MKLN1: variants seen among roughly 807,000 people sequenced by gnomAD.
MKLN1 encodes the protein muskelin 1.
MKLN1 carries 18 observed loss-of-function variants against 99.0 expected under a neutral mutation model. The observed-to-expected ratio is 0.18, with a 90% CI of 0.13 to 0.27. The LOEUF is 0.27. Ranked by LOEUF, MKLN1 falls within the 10% of genes least tolerant of loss-of-function variation. The pLI is 1.00. For synonymous variants in MKLN1, 288 were observed against 293.2 expected (o/e 0.98, Z 0.18); for missense variants, 621 against 875.9 (o/e 0.71, Z 3.67).
chr7:131,428,065 A>G (rs768417074), intron 8 of MKLN1, among the ~76,000 whole-genome samples: 5 of 151,012 alleles, frequency 3.3e-5, no homozygotes, highest in Non-Finnish European at 7.4e-5. Flanking sequence ...CAGCTACTCG[A>G]GAGGCTGGGG....
chr7:131,395,743 C>T (rs1329079216), intron 4 of MKLN1, among the ~76,000 whole-genome samples: 3 of 150,962 alleles, frequency 2.0e-5, no homozygotes, highest in Non-Finnish European at 2.9e-5. Context: ...GTTTTGACTA[C>T]GTGGGACCTC....
chr7:131,187,029 C>T (rs1371774784), intron 2 of MKLN1, among the ~76,000 whole-genome samples: 1 of 152,198 alleles, frequency 6.6e-6, no homozygotes, highest in Non-Finnish European at 1.5e-5. Context: ...ACAATACATT[C>T]AGGGAACTCC....
intron 2 of MKLN1, among the ~76,000 whole-genome samples, chr7:131,193,249 T>C (rs1255365379): frequency 6.6e-6 from 1 of 152,198 alleles, no homozygotes; most frequent in Non-Finnish European, 1.5e-5. Flanking sequence ...AGTTTGCTTG[T>C]TTTTTTCCTT....
intron 9 of MKLN1, among the ~76,000 whole-genome samples, chr7:131,432,736 G>A (rs536886952): frequency 3.9e-5 from 6 of 152,196 alleles, no homozygotes; most frequent in African/African-American, 1.2e-4. Flanking sequence ...ATGAGCCACC[G>A]CGCCTGGCCC....
At chr7:131,368,504 G>A (rs1040425277) in intron 1 of MKLN1, among the ~76,000 whole-genome samples, 2 of 152,146 alleles carry the variant, frequency 1.3e-5, no homozygotes, top group Admixed American at 6.5e-5. Flanking sequence ...TACAGTCATG[G>A]CAGAAGGCAA....
intron 1 of MKLN1, among the ~76,000 whole-genome samples, chr7:131,368,963 G>C (rs1800262439): frequency 1.3e-5 from 2 of 151,420 alleles, no homozygotes; most frequent in African/African-American, 4.9e-5. Context: ...TATATAATTT[G>C]ATGTAAATTG....
chr7:131,136,642 T>C (rs1452854981), intron 1 of MKLN1, among the ~76,000 whole-genome samples: 6 of 152,224 alleles, frequency 3.9e-5, no homozygotes, highest in Admixed American at 1.3e-4. Context: ...AGAAGCATTT[T>C]TGGGGATGTC....
At chr7:131,352,856 A>T (rs1407602838) in intron 1 of MKLN1, among the ~76,000 whole-genome samples, 1 of 152,106 alleles carries the variant, frequency 6.6e-6, no homozygotes, top group Non-Finnish European at 1.5e-5. Context: ...TGCATGTAAA[A>T]CATTTGCATG....
intron 3 of MKLN1, among the ~76,000 whole-genome samples, chr7:131,216,371 C>T (rs1463490655): frequency 1.3e-5 from 2 of 150,236 alleles, no homozygotes; most frequent in Non-Finnish European, 3.0e-5. Context: ...TGCAGTGAGC[C>T]GACATTGCGC....
intron 2 of MKLN1, among the ~76,000 whole-genome samples, chr7:131,199,083 A>G (rs964576071): frequency 6.6e-6 from 1 of 152,002 alleles, no homozygotes. Context: ...CTGGGCAGGG[A>G]GGTTCACCCC....
chr7:131,197,946 C>T (rs889244736), intron 2 of MKLN1, among the ~76,000 whole-genome samples: 7 of 152,094 alleles, frequency 4.6e-5, no homozygotes, highest in African/African-American at 1.7e-4. Flanking sequence ...GCTGTCCTCC[C>T]ACCTCGGCCT....
In MKLN1 at chr7:131,487,237, GA is replaced by G. The variant is rs1797307134; in HGVS notation, c.2087-369del. On this transcript the variant is annotated intron_variant, in intron 17 of 17. Transcript: ENST00000352689. This position sits in a 1 kb window ranked among gnomAD's most constrained non-coding sequence, Gnocchi z 4.7. ...AAAGACAAGTGGAATTTCCTCAGTGGACCAGCAGAGAAAAGACCTAATAAGG... is the reference window on the plus strand; with the variant it reads ...AAAGACAAGTGGAATTTCCTCAGTGGCCAGCAGAGAAAAGACCTAATAAGG... 6.6e-6 allele frequency among the ~76,000 whole-genome samples: 1 copy of G among 152,100 alleles called. No individual in the cohort carries two copies. The highest frequency in any genetic ancestry group is 2.4e-5 in the African/African-American group (1 of 41,418).
At chr7:131,365,289 A>G (rs947845949) in intron 1 of MKLN1, among the ~76,000 whole-genome samples, 2 of 152,090 alleles carry the variant, frequency 1.3e-5, no homozygotes, top group African/African-American at 4.8e-5. Context: ...TCCTTTGCCT[A>G]CTTTTTAACT....
In MKLN1 at chr7:131,490,641, G is replaced by C. The variant is rs1029126119; in HGVS notation, c.*2913G>C. 7 of 152,498 alleles carry C rather than the reference G, an allele frequency of 4.6e-5. No individual in the cohort carries two copies. Among genetic ancestry groups the C allele is most frequent in the African/African-American group, 1.7e-4 (7 of 41,432 alleles). The allele number at this position is 152,498 out of a possible 1,614,324, so 9.4% of individuals were successfully genotyped here. A position where few individuals can be genotyped will look rare whatever the true frequency, so the allele number is the denominator to read the frequency against. The stretch of plus-strand genomic sequence containing the variant: ...CCTGATTTTCATTTATATGAAAACA[G>C]ACCTGTCCATGTCTAATAAGTAAAA... On this transcript the variant is annotated 3_prime_UTR_variant, in exon 18 of 18. Coordinates refer to ENST00000352689, the MANE Select transcript of MKLN1 (RefSeq NM_013255.5).
intron 3 of MKLN1, among the ~76,000 whole-genome samples, chr7:131,273,678 G>A (rs958621148): frequency 2.0e-5 from 3 of 149,780 alleles, no homozygotes; most frequent in Non-Finnish European, 4.4e-5. Flanking sequence ...AGGCTGGAGT[G>A]CAGTGGCATA....
chr7:131,174,411 T>C lies in MKLN1; in HGVS notation c.-296-28446T>C, dbSNP rs1287268641. ...TTCTTGCCTGGTGATGGGAAAACAA[T>C]AGCGGGGACAAGAAAGGTTTTAAAA... is the stretch of plus-strand genomic sequence containing the variant. On this transcript the variant is annotated intron_variant, in intron 2 of 7. Transcript: ENST00000416992. Among the ~76,000 whole-genome samples the C allele has an allele frequency of 2.6e-5, 4 of 152,156 alleles. No homozygotes were observed. In the East Asian group the frequency reaches 7.7e-4, roughly 29 times the overall value.
chr7:131,329,027 C>T (rs1358939431), intron 1 of MKLN1, among the ~76,000 whole-genome samples: 1 of 152,164 alleles, frequency 6.6e-6, no homozygotes, highest in African/African-American at 2.4e-5. Context: ...CTAACCATCT[C>T]ACAGGACCGA....
chr7:131,422,193 T>A (rs1795218384), intron 8 of MKLN1, among the ~76,000 whole-genome samples: 1 of 152,194 alleles, frequency 6.6e-6, no homozygotes, highest in Admixed American at 6.5e-5. Flanking sequence ...GTTTGCAAAT[T>A]TTTTCTAGGA....
At chr7:131,333,348 T>C (rs1430849971) in intron 1 of MKLN1, among the ~76,000 whole-genome samples, 1 of 152,170 alleles carries the variant, frequency 6.6e-6, no homozygotes, top group African/African-American at 2.4e-5. Flanking sequence ...GTGCTGCGAT[T>C]GTAGGTGTGA....
Sources: allele counts gnomAD v4.1 joint callset (sites outside exome capture counted in the v4.1 genomes callset), GRCh38; gene constraint gnomAD v4.1.1; non-coding constraint Gnocchi (gnomAD v3.1); transcripts MANE v1.5; gene names NCBI Gene and HGNC (gene_info 2026-07-23, HGNC 2026-07-21).